DSCAM: variants seen among roughly 807,000 people sequenced by gnomAD.
DSCAM encodes DS cell adhesion molecule, also known as cell adhesion molecule DSCAM.
Under a neutral mutation model 217.7 loss-of-function variants are expected in DSCAM, and 47 were observed. The observed-to-expected ratio is 0.22, with a 90% CI of 0.17 to 0.28. The LOEUF is 0.28. DSCAM is among the 10% of genes least tolerant of loss of function. DSCAM has a pLI of 1.00. For missense variants in DSCAM, 2,080 were observed against 2,618.3 expected (o/e 0.79, Z 4.49); for synonymous variants, 1,056 against 1,015.3 (o/e 1.04, Z -0.76).
chr21:40,693,744 A>G lies in DSCAM; in HGVS notation c.362-788T>C, dbSNP rs139143904. On this transcript the variant is annotated intron_variant, in intron 2 of 32. Transcript: ENST00000400454. ...TTGGGAAACACTGATCCTGCTTCCC[A>G]TTGTTTAGGGAAGGATGTTGATTAG... Among the ~76,000 whole-genome samples the G allele has an allele frequency of 7.3e-3, 1,108 of 152,288 alleles. 12 individuals carry two copies. Among genetic ancestry groups the G allele is most frequent in the African/African-American group, 0.025 (1,047 of 41,550 alleles).
chr21:40,579,055 C>G, intron 3 of DSCAM, among the ~76,000 whole-genome samples: 1 of 151,962 alleles, frequency 6.6e-6, no homozygotes, highest in East Asian at 1.9e-4. Context: ...ACATTTGTAA[C>G]GACAGAGGGA....
At chr21:40,067,741 A>AG (rs2089231245) in intron 27 of DSCAM, among the ~76,000 whole-genome samples, 1 of 13,336 alleles carries the variant, frequency 7.5e-5, no homozygotes, top group Non-Finnish European at 1.4e-4. Context: ...CCCTCCCCTC[A>AG]TTCCCTCCCT....
rs570521001 is a variant in DSCAM, at chr21:40,490,648, T to C, written c.509-121403A>G. On this transcript the variant is annotated intron_variant, in intron 3 of 32. Coordinates refer to ENST00000400454, the MANE Select transcript of DSCAM (RefSeq NM_001389.5). ...TCACAAAGAGGTTGTCTAGAGCCAT[T>C]TGGCAGTGCAGGCAGGAGCTTCTGG... Among the ~76,000 whole-genome samples, 4 of 152,206 alleles carry C rather than the reference T, an allele frequency of 2.6e-5. No homozygotes were observed. The East Asian group carries it at 5.8e-4, about 22-fold the overall frequency.
intron 20 of DSCAM, among the ~76,000 whole-genome samples, chr21:40,117,156 C>A (rs1374385184): frequency 6.6e-6 from 1 of 152,098 alleles, no homozygotes; most frequent in East Asian, 1.9e-4. Context: ...AACACAATTT[C>A]TTGCCTTATT....
intron 20 of DSCAM, among the ~76,000 whole-genome samples, chr21:40,098,930 C>A (rs2089716558): frequency 6.6e-6 from 1 of 152,098 alleles, no homozygotes; most frequent in Non-Finnish European, 1.5e-5. Flanking sequence ...GAAAATTAGT[C>A]CCTCTAGAAG....
chr21:40,283,851 C>A (rs1717582416), intron 10 of DSCAM, among the ~76,000 whole-genome samples: 1 of 152,158 alleles, frequency 6.6e-6, no homozygotes, highest in African/African-American at 2.4e-5. Flanking sequence ...ATGAGCTCAT[C>A]CAGAGGGGTC....
intron 20 of DSCAM, among the ~76,000 whole-genome samples, chr21:40,121,825 G>A (rs2090038313): frequency 6.6e-6 from 1 of 151,262 alleles, no homozygotes; most frequent in Admixed American, 6.6e-5. Flanking sequence ...CCAAGTACCT[G>A]AGATTACAGG....
In DSCAM at chr21:40,429,288, CAG is replaced by C. The variant is rs550818128; in HGVS notation, c.509-60045_509-60044del. Among the ~76,000 whole-genome samples, 220 of 150,222 alleles carry C rather than the reference CAG, an allele frequency of 1.5e-3. 1 individual carries two copies. The highest frequency in any genetic ancestry group is 5.2e-3 in the African/African-American group (213 of 40,850). On this transcript the variant is annotated intron_variant, in intron 3 of 32. Coordinates refer to ENST00000400454, the MANE Select transcript of DSCAM (RefSeq NM_001389.5). ...TTTTGTGCTTTTTTTTTTTTGGAGA[CAG>C]AGTTTCACTCTTGTTGCCCAGGCTG...
chr21:40,435,667 T>C (rs759000564), intron 3 of DSCAM, among the ~76,000 whole-genome samples: 3 of 152,248 alleles, frequency 2.0e-5, no homozygotes, highest in Non-Finnish European at 4.4e-5. Flanking sequence ...ATTGCTTTTG[T>C]ACCTTTGTCA....
chr21:40,164,571 G>A (rs2090573606), intron 16 of DSCAM, among the ~76,000 whole-genome samples: 1 of 152,164 alleles, frequency 6.6e-6, no homozygotes, highest in Non-Finnish European at 1.5e-5. Flanking sequence ...GCCAAGGTGG[G>A]TGGATCACGT....
chr21:40,322,154 C>T (rs1269809326), intron 8 of DSCAM, among the ~76,000 whole-genome samples: 5 of 152,148 alleles, frequency 3.3e-5, no homozygotes, highest in East Asian at 1.9e-4. Context: ...TGTTCTCCTG[C>T]GCCAGGTGTC....
intron 3 of DSCAM, among the ~76,000 whole-genome samples, chr21:40,655,239 T>C (rs1030466113): frequency 2.6e-5 from 4 of 152,180 alleles, no homozygotes; most frequent in Non-Finnish European, 5.9e-5. Context: ...TGTGCTGCTA[T>C]AACAAAACAC....
chr21:40,528,712 A>G (rs1224648100), intron 3 of DSCAM, among the ~76,000 whole-genome samples: 1 of 151,936 alleles, frequency 6.6e-6, no homozygotes, highest in African/African-American at 2.4e-5. Context: ...ACTGCCAGGT[A>G]CTCCATCTGT....
At chr21:40,022,874 C>A (rs1601236209) in intron 32 of DSCAM, among the ~76,000 whole-genome samples, 1 of 151,046 alleles carries the variant, frequency 6.6e-6, no homozygotes, top group Admixed American at 6.6e-5. Flanking sequence ...ATTTTCTTTT[C>A]TTTTTTTCTT....
At chr21:40,619,906 C>T (rs950521615) in intron 3 of DSCAM, among the ~76,000 whole-genome samples, 1 of 127,208 alleles carries the variant, frequency 7.9e-6, no homozygotes, top group Non-Finnish European at 1.6e-5. Context: ...TATGAGATAA[C>T]ACTATGAAAT....
chr21:40,328,162 C>A (rs2074337888), intron 8 of DSCAM, among the ~76,000 whole-genome samples: 2 of 151,792 alleles, frequency 1.3e-5, no homozygotes, highest in South Asian at 2.1e-4. Context: ...TCCAATATAA[C>A]CAAAAAAGAG....
In DSCAM at chr21:40,585,310, C is replaced by CA. The variant is rs2076936843; in HGVS notation, c.508+107499_508+107500insT. ...AGCTCATTAGATCCATGAAGATACT[C>CA]TATTGAGTGTTAAAGAAAAATGCTG... On this transcript the variant is annotated intron_variant, in intron 3 of 32. Transcript: ENST00000400454. Among the ~76,000 whole-genome samples the CA allele has an allele frequency of 3.3e-5, 5 of 150,162 alleles. No individual in the cohort carries two copies. The South Asian group carries it at 8.4e-4, about 25-fold the overall frequency.
intron 32 of DSCAM, among the ~76,000 whole-genome samples, chr21:40,039,193 T>C (rs1011500577): frequency 6.6e-6 from 1 of 150,478 alleles, no homozygotes; most frequent in African/African-American, 2.4e-5. Context: ...AGAAAAAGAA[T>C]ATGAACTAAG....
chr21:40,149,516 A>C (rs1188398674), intron 16 of DSCAM, among the ~76,000 whole-genome samples: 2 of 140,958 alleles, frequency 1.4e-5, no homozygotes, highest in African/African-American at 2.8e-5. Flanking sequence ...CCATCACTCC[A>C]TCACTATCCC....
Sources: allele counts gnomAD v4.1 joint callset (sites outside exome capture counted in the v4.1 genomes callset), GRCh38; gene constraint gnomAD v4.1.1; transcripts MANE v1.5; gene names NCBI Gene and HGNC (gene_info 2026-07-23, HGNC 2026-07-21).